ZNF132: variants seen among roughly 807,000 people sequenced by gnomAD.
The protein encoded by ZNF132 is zinc finger protein 132, also known as zinc finger protein 132 (clone pHZ-12).
ZNF132 carries 6 observed loss-of-function variants against 9.3 expected under a neutral mutation model. The observed-to-expected ratio is 0.65, with a 90% CI of 0.35 to 1.28. ZNF132 has a LOEUF of 1.28. Ranked by LOEUF, ZNF132 falls within the 50% of genes most tolerant of loss-of-function variation. ZNF132 has a pLI of 0.03. For synonymous variants in ZNF132, 296 were observed against 292.0 expected, an observed-to-expected ratio of 1.01 and a Z score of -0.14; for missense variants, 877 against 843.2, an observed-to-expected ratio of 1.04 and a Z score of -0.50.
Position 58,434,575 on chromosome 19 carries a change from G to C in ZNF132, c.869C>G (p.Pro290Arg). ...GNKKFHTGEI[P>R]HVCKECGKAF... ...CTTCCCACACTCCTTACACACATGG[G>C]GTATTTCCCCAGTGTGAAACTTTTT... is the stretch of plus-strand genomic sequence containing the variant. Residue 290 changes from proline (P) to arginine (R), a missense_variant, in exon 3 of 3, where the codon CCC becomes CGC. Pro to Arg is a moderately radical substitution (Grantham distance 103, BLOSUM62 -2). Coordinates refer to ENST00000254166, the MANE Select transcript of ZNF132 (RefSeq NM_003433.4). 6.2e-7 allele frequency: 1 copy of C among 1,614,078 alleles called. No homozygotes were observed. Among genetic ancestry groups the C allele is most frequent in the Non-Finnish European group, 8.5e-7 (1 of 1,179,974 alleles).
rs778282255 is a variant in ZNF132, at chr19:58,433,758, C to G, written c.1686G>C (p.Trp562Cys). ...AAGGCCTTTCTTTTGTGTGAACTCT[C>G]CAGTGTTCAATGAGAGTGGAGCTGT... is the stretch of plus-strand genomic sequence containing the variant. ...FAHSSTLIEH[W>C]RVHTKERPYE... The change falls in exon 3 of 3, where the codon TGG becomes TGC. Residue 562 changes from tryptophan to cysteine, a missense_variant. Transcript: ENST00000254166. The G allele has an allele frequency of 2.5e-6, 4 of 1,614,090 alleles. No individual in the cohort carries two copies. Among genetic ancestry groups the G allele is most frequent in the African/African-American group, 1.3e-5 (1 of 75,044 alleles).
Position 58,433,894 on chromosome 19 carries a change from C to T in ZNF132, c.1550G>A (p.Cys517Tyr). Residue 517 changes from cysteine (C) to tyrosine (Y), a missense_variant, in exon 3 of 3, where the codon TGC becomes TAC. Cys to Tyr is a radical substitution (Grantham distance 194, BLOSUM62 -2). Coordinates refer to ENST00000254166, the MANE Select transcript of ZNF132 (RefSeq NM_003433.4). ...GCTGAAGGATTTCCTACATTCGCTG[C>T]ACTCATAAGGCCTTTGCCCAGTATG... ...KVHTGQRPYE[C>Y]SECRKSFSRS... 2 of 1,614,162 alleles carry T rather than the reference C, an allele frequency of 1.2e-6. No homozygotes were observed. The highest frequency in any genetic ancestry group is 1.1e-5 in the South Asian group (1 of 91,072).
Position 58,434,953 on chromosome 19 carries a change from T to C in ZNF132, c.491A>G (p.His164Arg). Residue 164 changes from histidine to arginine, a missense_variant, in exon 3 of 3, where the codon CAC (histidine) becomes CGC (arginine). By Grantham distance (29) the His-to-Arg change is conservative. Transcript: ENST00000254166. The part of the protein sequence containing the change: ...NANLHQHQKE[H>R]SGGKPFRWYK... ...CCATCTAAAGGGCTTCCCTCCACTG[T>C]GCTCCTTCTGGTGCTGGTGAAGGTT... 6.2e-7 allele frequency: 1 copy of C among 1,614,230 alleles called. No homozygotes were observed.
Position 58,432,820 on chromosome 19 carries a change from G to C in ZNF132, c.*503C>G, listed in dbSNP as rs972669744. On this transcript the variant is annotated 3_prime_UTR_variant, in exon 3 of 3. Coordinates refer to ENST00000254166, the MANE Select transcript of ZNF132 (RefSeq NM_003433.4). ...GAACCCCTAAGATTAAAGGTGACCTGATCAATAAGGTCTTTATTATCACCA... is the reference window on the plus strand; with the variant it reads ...GAACCCCTAAGATTAAAGGTGACCTCATCAATAAGGTCTTTATTATCACCA... 6.0e-6 allele frequency: 1 copy of C among 166,576 alleles called. No individual in the cohort carries two copies. The highest frequency in any genetic ancestry group is 2.4e-5 in the African/African-American group (1 of 41,610). 10.3% of individuals were successfully genotyped at this position (166,576 alleles called of 1,614,324 possible). A position where few individuals can be genotyped will look rare whatever the true frequency, so the allele number is the denominator to read the frequency against.
At chr19:58,438,801 C>T (rs535564800) in intron 1 of ZNF132, among the ~76,000 whole-genome samples, 90 of 147,282 alleles carry the variant, frequency 6.1e-4, no homozygotes, top group Non-Finnish European at 7.0e-4. Context: ...GACAGAGTCT[C>T]GCTCTGTCAC....
intron 1 of ZNF132, among the ~76,000 whole-genome samples, chr19:58,438,066 C>G (rs1214672643): frequency 1.3e-5 from 2 of 152,188 alleles, no homozygotes; most frequent in Admixed American, 6.5e-5. Flanking sequence ...CCCCAGGACC[C>G]TATTTAAGAA....
chr19:58,433,167 C>CA lies in ZNF132; in HGVS notation c.*155dup, dbSNP rs1380695050. 1 of 779,968 alleles carries CA rather than the reference C, an allele frequency of 1.3e-6. No individual in the cohort carries two copies. The highest frequency in any genetic ancestry group is 2.0e-6 in the Non-Finnish European group (1 of 499,184). 48.3% of individuals were successfully genotyped at this position (779,968 alleles called of 1,614,324 possible). ...ATGCTGCATGGGTGAGATGGCCCTG[C>CA]AAAGGTTCCTGGGCTGGTCAGAAAC... On this transcript the variant is annotated 3_prime_UTR_variant, in exon 3 of 3. Coordinates refer to ENST00000254166, the MANE Select transcript of ZNF132 (RefSeq NM_003433.4).
At chr19:58,439,641 C>T (rs1045631260) in intron 1 of ZNF132, 118 bp downstream of exon 1, 9 of 1,130,000 alleles carry the variant, frequency 8.0e-6, no homozygotes, top group African/African-American at 3.3e-5. Flanking sequence ...CCAGGACCCA[C>T]GTGTGAGGAC....
chr19:58,436,848 CT>C, intron 2 of ZNF132, 198 bp downstream of exon 2: 1 of 763,688 alleles, frequency 1.3e-6, no homozygotes, highest in South Asian at 1.4e-5. Context: ...TGGGCAACAG[CT>C]ATTAGGAAAG....
rs1445942078 is a variant in ZNF132 at position 58,439,886 on chromosome 19, C to T, written c.-65G>A. ...CCTCACACTTCCGCTGGGTGACGGTCGCACTCAGGACCTGTCTTCCCAAAT... is the reference window on the plus strand; with the variant it reads ...CCTCACACTTCCGCTGGGTGACGGTTGCACTCAGGACCTGTCTTCCCAAAT... On this transcript the variant is annotated 5_prime_UTR_variant, in exon 1 of 3. Coordinates refer to ENST00000254166, the MANE Select transcript of ZNF132 (RefSeq NM_003433.4). 2.7e-6 allele frequency: 4 copies of T among 1,497,968 alleles called. No homozygotes were observed. In the African/African-American group the frequency reaches 4.2e-5, roughly 16 times the overall value. 92.8% of individuals were successfully genotyped at this position (1,497,968 alleles called of 1,614,324 possible).
intron 1 of ZNF132, 53 bp from the exon 2 acceptor site, chr19:58,437,268 G>A (rs2052778925): frequency 3.3e-6 from 5 of 1,528,280 alleles, no homozygotes. Flanking sequence ...ACCTTGCTGT[G>A]TGACTCAGAA....
chr19:58,433,901 A>T lies in ZNF132; in HGVS notation c.1543T>A (p.Tyr515Asn), dbSNP rs775543190. 1 of 1,614,176 alleles carries T rather than the reference A, an allele frequency of 6.2e-7. No homozygotes were observed. Among genetic ancestry groups the T allele is most frequent in the East Asian group, 2.2e-5 (1 of 44,886 alleles). ...HQKVHTGQRPYECSECRKSFS... is the reference protein window; with the variant it reads ...HQKVHTGQRPNECSECRKSFS... ...GATTTCCTACATTCGCTGCACTCAT[A>T]AGGCCTTTGCCCAGTATGTACTTTC... Residue 515 changes from tyrosine to asparagine, a missense_variant, in exon 3 of 3, where the codon TAT (tyrosine) becomes AAT (asparagine). By Grantham distance (143) the Tyr-to-Asn change is moderately radical. Transcript: ENST00000254166.
chr19:58,434,747 G>A lies in ZNF132; in HGVS notation c.697C>T (p.Gln233Ter). The change falls in exon 3 of 3, where the codon CAG becomes TAG. Residue 233 changes from glutamine to a stop codon, truncating the protein, a stop_gained. Coordinates refer to ENST00000254166, the MANE Select transcript of ZNF132 (RefSeq NM_003433.4). LOFTEE classifies it low-confidence loss of function (END_TRUNC). ...LGQLPEVCTT[Q>*]KLFECSNCGK... ...CAGTTGCTGCACTCGAAGAGTTTCT[G>A]TGTGGTACAGACTTCTGGAAGCTGC... 2.5e-6 allele frequency: 4 copies of A among 1,614,210 alleles called. No homozygotes were observed. The highest frequency in any genetic ancestry group is 1.7e-5 in the Admixed American group (1 of 60,022).
Position 58,433,082 on chromosome 19 carries a change from C to A in ZNF132, c.*241G>T. 2.1e-6 allele frequency: 1 copy of A among 477,754 alleles called. No individual in the cohort carries two copies. The highest frequency in any genetic ancestry group is 3.8e-6 in the Non-Finnish European group (1 of 265,820). The allele number at this position is 477,754 out of a possible 1,614,324, so 29.6% of individuals were successfully genotyped here. A position where few individuals can be genotyped will look rare whatever the true frequency, so the allele number is the denominator to read the frequency against. ...GTACTGTTTTCCCCATGCATGAGGA[C>A]AGGACTGCTGCAAATTTTTGGATCC... On this transcript the variant is annotated 3_prime_UTR_variant, in exon 3 of 3. Transcript: ENST00000254166.
chr19:58,433,223 G>C lies in ZNF132; in HGVS notation c.*100C>G. 3 of 1,266,400 alleles carry C rather than the reference G, an allele frequency of 2.4e-6. 1 individual carries two copies. The East Asian group carries it at 7.0e-5, about 29-fold the overall frequency. 78.4% of individuals were successfully genotyped at this position (1,266,400 alleles called of 1,614,324 possible). ...AGCTTCTGAAGGCTTTTCCACATTA[G>C]CAGTACATGTAGGTAATTTTTCTGG... On this transcript the variant is annotated 3_prime_UTR_variant, in exon 3 of 3. Transcript: ENST00000254166.
rs145332222 is a variant in ZNF132 at position 58,434,097 on chromosome 19, G to T, written c.1347C>A (p.His449Gln). ...AFNNNSNLAQ[H>Q]QKVHTGERPF... ...GCCGTTCTCCGGTGTGAACTTTCTG[G>T]TGCTGAGCAAGGTTGGAGTTATTGT... The change falls in exon 3 of 3, where the codon CAC becomes CAA. Residue 449 changes from histidine to glutamine, a missense_variant. Coordinates refer to ENST00000254166, the MANE Select transcript of ZNF132 (RefSeq NM_003433.4). The T allele has an allele frequency of 6.2e-7, 1 of 1,612,110 alleles. No homozygotes were observed. Among genetic ancestry groups the T allele is most frequent in the African/African-American group, 1.3e-5 (1 of 74,200 alleles).
chr19:58,438,764 C>T lies in ZNF132; in HGVS notation c.63+995G>A, dbSNP rs989910453. ...CTGGGATTACAGGCGTGAGCCACCACGCCCGGCAATTTTTTTTTTTTTTTA... is the reference window on the plus strand; with the variant it reads ...CTGGGATTACAGGCGTGAGCCACCATGCCCGGCAATTTTTTTTTTTTTTTA... On this transcript the variant is annotated intron_variant, in intron 1 of 2. Coordinates refer to ENST00000254166, the MANE Select transcript of ZNF132 (RefSeq NM_003433.4). Among the ~76,000 whole-genome samples the T allele has an allele frequency of 3.3e-5, 5 of 149,640 alleles. No individual in the cohort carries two copies. The South Asian group carries it at 6.4e-4, about 19-fold the overall frequency.
rs1568596485 is a variant in ZNF132, at chr19:58,433,634, A to T, written c.1810T>A (p.Cys604Ser). Residue 604 changes from cysteine to serine, a missense_variant, in exon 3 of 3, where the codon TGT (cysteine) becomes AGT (serine). Physicochemically the swap from Cys to Ser is moderately radical, Grantham distance 112. Transcript: ENST00000254166. ...GATTTTCGGCTAAAGAATTTCCCAC[A>T]TTCACTGCATTTATAAGGCTTTTCT... ...TGEKPYKCSE[C>S]GKFFSRKSSL... 2 of 1,614,204 alleles carry T rather than the reference A, an allele frequency of 1.2e-6. No homozygotes were observed. Among genetic ancestry groups the T allele is most frequent in the Non-Finnish European group, 1.7e-6 (2 of 1,180,034 alleles).
rs1490598168 is a variant in ZNF132 at position 58,433,878 on chromosome 19, T to C, written c.1566A>G (p.Lys522=). Residue 522 remains lysine, a synonymous_variant, in exon 3 of 3, where the codon AAA becomes AAG. Coordinates refer to ENST00000254166, the MANE Select transcript of ZNF132 (RefSeq NM_003433.4). ...QRPYECSECR[K]SFSRSSSLIQ... ...TCAGGCTGGAGCTGCGGCTGAAGGA[T>C]TTCCTACATTCGCTGCACTCATAAG... 1 of 1,614,136 alleles carries C rather than the reference T, an allele frequency of 6.2e-7. No individual in the cohort carries two copies. The highest frequency in any genetic ancestry group is 1.7e-5 in the Admixed American group (1 of 60,002).
Sources: allele counts gnomAD v4.1 joint callset (sites outside exome capture counted in the v4.1 genomes callset), GRCh38; gene constraint gnomAD v4.1.1; transcripts MANE v1.5; gene names NCBI Gene and HGNC (gene_info 2026-07-23, HGNC 2026-07-21).